The following KIF13A variants were observed in gnomAD, a reference collection of about 807,000 sequenced individuals.
KIF13A encodes kinesin-like protein KIF13A.
A neutral mutation model predicts 212.2 loss-of-function variants in KIF13A; 79 were observed. The ratio of observed to expected loss-of-function variants is 0.37; its 90% CI spans 0.31 to 0.45. The LOEUF (loss-of-function observed/expected upper bound fraction) is 0.45, where lower values mean the gene tolerates loss of function less well. KIF13A is among the 20% of genes least tolerant of loss of function. The pLI, the probability that KIF13A is intolerant of heterozygous loss-of-function variation, is 1.00. For missense variants in KIF13A, 1,901 were observed against 2,209.0 expected (o/e 0.86, Z 2.79); for synonymous variants, 789 against 808.6 (o/e 0.98, Z 0.41).
chr6:17,825,924 G>A lies in KIF13A; in HGVS notation c.1630C>T (p.Pro544Ser). ...GNNHFFRINL[P>S]KRKRRDWLKD... ...AACCAATCTCGACGTTTCCTCTTAG[G>A]TAAGTTTATTCTGTGGGGTTTTTCA... The change falls in exon 16 of 39, where the codon CCT (proline) becomes TCT (serine). Residue 544 changes from proline (P) to serine (S), a missense_variant. Physicochemically the swap from Pro to Ser is moderately conservative, Grantham distance 74. Transcript: ENST00000259711. This position sits in a 1 kb window ranked among gnomAD's most constrained non-coding sequence, Gnocchi z 4.5. 1 of 1,613,856 alleles carries A rather than the reference G, an allele frequency of 6.2e-7. No homozygotes were observed. The highest frequency in any genetic ancestry group is 8.5e-7 in the Non-Finnish European group (1 of 1,179,852).
At chr6:17,818,847 T>C (rs533972360) in intron 16 of KIF13A, among the ~76,000 whole-genome samples, 1 of 152,322 alleles carries the variant, frequency 6.6e-6, no homozygotes, top group East Asian at 1.9e-4. Context: ...TTACCCCCAA[T>C]GTTTTGCTTA....
Position 17,982,311 on chromosome 6 carries a change from T to A in KIF13A, c.146+4743A>T, listed in dbSNP as rs1781166675. Reference sequence around the variant, plus strand: ...CAGGGTTTCACCATGTTGGCCAGGCTGGTCTCGAACTCCTGACCTCAGGTG... The same window carrying A: ...CAGGGTTTCACCATGTTGGCCAGGCAGGTCTCGAACTCCTGACCTCAGGTG... On this transcript the variant is annotated intron_variant, in intron 2 of 38. Coordinates refer to ENST00000259711, the MANE Select transcript of KIF13A (RefSeq NM_022113.6). The surrounding 1 kb of genome is among the most constrained non-coding windows in gnomAD (Gnocchi z 5.1). The A allele has an allele frequency of 3.2e-6, 1 of 310,140 alleles. No homozygotes were observed. The highest frequency in any genetic ancestry group is 6.5e-5 in the Admixed American group (1 of 15,440). 19.2% of individuals were successfully genotyped at this position (310,140 alleles called of 1,614,324 possible).
rs1411175613 is a variant in KIF13A at position 17,794,629 on chromosome 6, T to C, written c.3018A>G (p.Ala1006=). 1.9e-6 allele frequency: 3 copies of C among 1,613,634 alleles called. No homozygotes were observed. The highest frequency in any genetic ancestry group is 1.3e-5 in the African/African-American group (1 of 74,922). The change falls in exon 24 of 39, where the codon GCA becomes GCG. Residue 1006 remains alanine, a synonymous_variant. Coordinates refer to ENST00000259711, the MANE Select transcript of KIF13A (RefSeq NM_022113.6). This position sits in a 1 kb window ranked among gnomAD's most constrained non-coding sequence, Gnocchi z 4.1. Reference sequence around the variant, plus strand: ...CATCTTTTGCCTGATGAAGTTCCACTGCAGCATACTCTCCTAACTCATTCA... The same window carrying C: ...CATCTTTTGCCTGATGAAGTTCCACCGCAGCATACTCTCCTAACTCATTCA... ...LELNELGEYA[A]VELHQAKDVN...
chr6:17,931,981 G>C (rs1007706075), intron 2 of KIF13A, among the ~76,000 whole-genome samples: 2 of 152,038 alleles, frequency 1.3e-5, no homozygotes, highest in African/African-American at 4.8e-5. Context: ...GTGGTCCCCA[G>C]ACTAACAGCA....
intron 3 of KIF13A, among the ~76,000 whole-genome samples, chr6:17,894,896 T>C (rs570937155): frequency 2.1e-3 from 323 of 152,304 alleles, no homozygotes; most frequent in African/African-American, 7.5e-3. Flanking sequence ...CAGGGATTGA[T>C]AGAAAGGATG....
chr6:17,832,874 A>G (rs1317148616), intron 12 of KIF13A, among the ~76,000 whole-genome samples: 1 of 149,892 alleles, frequency 6.7e-6, no homozygotes. Context: ...ATTAGCCAGG[A>G]GTGGTGGCGC....
At position 17,834,131 on chromosome 6, in the gene KIF13A, CA is replaced by C; in HGVS notation, c.1156-61del. On this transcript the variant is annotated intron_variant, in intron 11 of 38. Transcript: ENST00000259711. The surrounding 1 kb of genome is among the most constrained non-coding windows in gnomAD (Gnocchi z 4.0). ...AATTTTTCCACCATCATATACAAGA[CA>C]ATCAGTTACTGTCCCTCTTAAGCAG... The C allele has an allele frequency of 1.0e-6, 1 of 970,330 alleles. No individual in the cohort carries two copies. Among genetic ancestry groups the C allele is most frequent in the Non-Finnish European group, 1.5e-6 (1 of 653,018 alleles). The allele number at this position is 970,330 out of a possible 1,614,324, so 60.1% of individuals were successfully genotyped here. A position where few individuals can be genotyped will look rare whatever the true frequency, so the allele number is the denominator to read the frequency against.
At chr6:17,824,838 C>A (rs562761012) in intron 16 of KIF13A, among the ~76,000 whole-genome samples, 28 of 151,612 alleles carry the variant, frequency 1.8e-4, no homozygotes, top group Admixed American at 7.9e-4. Flanking sequence ...TGTCTTAGGG[C>A]CCTCAGGGCC....
At chr6:17,766,232 A>ATTTATTTATTTG (rs1216804807) in intron 38 of KIF13A, among the ~76,000 whole-genome samples, 1 of 149,674 alleles carries the variant, frequency 6.7e-6, no homozygotes, top group African/African-American at 2.5e-5. Context: ...TTATTTATTT[A>ATTTATTTATTTG]TTTATTTATT....
At chr6:17,793,294 C>T (rs1055986315) in intron 25 of KIF13A, among the ~76,000 whole-genome samples, 2 of 151,882 alleles carry the variant, frequency 1.3e-5, no homozygotes, top group Non-Finnish European at 2.9e-5. Flanking sequence ...GTTGGTCAGG[C>T]TGGTCTCGAA....
intron 2 of KIF13A, among the ~76,000 whole-genome samples, chr6:17,938,256 TAGAA>T (rs945291566): frequency 3.9e-5 from 6 of 152,008 alleles, no homozygotes; most frequent in African/African-American, 1.5e-4. Flanking sequence ...ACAACCCAAT[TAGAA>T]AGCATAGTGT....
At chr6:17,818,234 C>T (rs1484511701) in intron 16 of KIF13A, among the ~76,000 whole-genome samples, 1 of 152,180 alleles carries the variant, frequency 6.6e-6, no homozygotes, top group Admixed American at 6.5e-5. Context: ...TGTACATTCA[C>T]ACATTTGCCT....
At chr6:17,903,025 A>C (rs1470738233) in intron 2 of KIF13A, among the ~76,000 whole-genome samples, 1 of 152,214 alleles carries the variant, frequency 6.6e-6, no homozygotes, top group Non-Finnish European at 1.5e-5. Flanking sequence ...AGCAGTGAAG[A>C]CTTCAGAGAC....
At chr6:17,981,349 T>C (rs911608350) in intron 2 of KIF13A, among the ~76,000 whole-genome samples, 1 of 152,098 alleles carries the variant, frequency 6.6e-6, no homozygotes, top group Non-Finnish European at 1.5e-5. Context: ...TTTTTAACTG[T>C]TGACTGTCAA....
At chr6:17,779,740 G>GTTTTTTT (rs201272106) in intron 31 of KIF13A, 56 bp from the exon 32 acceptor site, 14 of 478,960 alleles carry the variant, frequency 2.9e-5, no homozygotes, top group East Asian at 7.2e-5. Flanking sequence ...AAGTTATTTT[G>GTTTTTTT]TATTTTTTTT....
rs1765230130 is a variant in KIF13A at position 17,829,290 on chromosome 6, A to G, written c.1402-920T>C. ...ACAACCCTTAGCCCTCAGGGCTATA[A>G]TATCATTACATGTCTCATAGACTCC... is the stretch of plus-strand genomic sequence containing the variant. On this transcript the variant is annotated intron_variant, in intron 13 of 38. Transcript: ENST00000259711. The surrounding 1 kb of genome is among the most constrained non-coding windows in gnomAD (Gnocchi z 5.4). Among the ~76,000 whole-genome samples, 1 of 152,204 alleles carries G rather than the reference A, an allele frequency of 6.6e-6. No homozygotes were observed. The highest frequency in any genetic ancestry group is 1.5e-5 in the Non-Finnish European group (1 of 68,040).
intron 6 of KIF13A, among the ~76,000 whole-genome samples, chr6:17,852,454 C>G (rs1767744558): frequency 6.6e-6 from 1 of 152,198 alleles, no homozygotes; most frequent in African/African-American, 2.4e-5. Flanking sequence ...GGGTCTCACT[C>G]TGTCGCCCAG....
Position 17,800,010 on chromosome 6 carries a change from A to C in KIF13A, c.2558T>G (p.Leu853Arg). 6.2e-7 allele frequency: 1 copy of C among 1,614,000 alleles called. No individual in the cohort carries two copies. Among genetic ancestry groups the C allele is most frequent in the Non-Finnish European group, 8.5e-7 (1 of 1,179,892 alleles). Residue 853 changes from leucine (L) to arginine (R), a missense_variant, in exon 21 of 39, where the codon CTT becomes CGT. By Grantham distance (102) the Leu-to-Arg change is moderately radical. Coordinates refer to ENST00000259711, the MANE Select transcript of KIF13A (RefSeq NM_022113.6). ...TTCCCCGCTGCTGTCTACGACTTCA[A>C]GGCTCCCACTTTCACTGGAATTCTC... ...SSENSSESGS[L>R]EVVDSSGEII... is the part of the protein sequence containing the mutation.
In KIF13A at chr6:17,845,842, T is replaced by C. The variant is rs141421429; in HGVS notation, c.830+3535A>G. Among the ~76,000 whole-genome samples, 375 of 152,326 alleles carry C rather than the reference T, an allele frequency of 2.5e-3. 3 individuals carry two copies. Among genetic ancestry groups the C allele is most frequent in the African/African-American group, 8.8e-3 (367 of 41,580 alleles). On this transcript the variant is annotated intron_variant, in intron 9 of 38. Transcript: ENST00000259711. ...ATTCTTTAATGAAAGGAGTAACATG[T>C]GCTTAAAGGTCTTAAGAGCTTCAGG...
Sources: allele counts gnomAD v4.1 joint callset (sites outside exome capture counted in the v4.1 genomes callset), GRCh38; gene constraint gnomAD v4.1.1; non-coding constraint Gnocchi (gnomAD v3.1); transcripts MANE v1.5; gene names NCBI Gene and HGNC (gene_info 2026-07-23, HGNC 2026-07-21).